Variants in GRM5 observed in about 807,000 individuals in gnomAD.
The protein encoded by GRM5 is metabotropic glutamate receptor 5.
In GRM5, 19 loss-of-function variants were observed where a neutral mutation model predicts 83.1. The observed-to-expected ratio is 0.23, with a 90% CI of 0.16 to 0.34. GRM5 has a LOEUF of 0.34. GRM5 is among the 10% of genes least tolerant of loss of function. GRM5 has a pLI of 1.00. For missense variants in GRM5, 1,160 were observed against 1,588.3 expected, an observed-to-expected ratio of 0.73 and a Z score of 4.58; for synonymous variants, 675 against 633.6, an observed-to-expected ratio of 1.07 and a Z score of -0.98.
At chr11:88,795,224 A>G (rs1003568472) in intron 3 of GRM5, among the ~76,000 whole-genome samples, 1 of 152,226 alleles carries the variant, frequency 6.6e-6, no homozygotes, top group East Asian at 1.9e-4. Context: ...GCGAGAAAGC[A>G]GTATCCCAGA....
intron 3 of GRM5, among the ~76,000 whole-genome samples, chr11:88,820,392 A>AAAAAAG (rs1170201961): frequency 4.0e-5 from 6 of 149,250 alleles, no homozygotes; most frequent in African/African-American, 1.5e-4. Context: ...AAAAAAAAAA[A>AAAAAAG]AGCCAATATA....
chr11:88,701,246 C>T (rs1941027886), intron 3 of GRM5, among the ~76,000 whole-genome samples: 1 of 152,246 alleles, frequency 6.6e-6, no homozygotes, highest in Non-Finnish European at 1.5e-5. Flanking sequence ...TTTACCATGA[C>T]AGGGAAGAGT....
At chr11:88,716,110 G>A (rs1941394556) in intron 3 of GRM5, among the ~76,000 whole-genome samples, 1 of 151,972 alleles carries the variant, frequency 6.6e-6, no homozygotes, top group East Asian at 1.9e-4. Flanking sequence ...AAAAAAGGAT[G>A]AGAGTTTGTA....
chr11:88,749,255 T>C (rs752738690), intron 3 of GRM5, among the ~76,000 whole-genome samples: 1 of 152,090 alleles, frequency 6.6e-6, no homozygotes, highest in African/African-American at 2.4e-5. Context: ...ACATAACTGA[T>C]GTAATGGAGA....
At chr11:88,727,103 TAA>T (rs1219615691) in intron 3 of GRM5, among the ~76,000 whole-genome samples, 7 of 152,258 alleles carry the variant, frequency 4.6e-5, no homozygotes, top group Non-Finnish European at 1.0e-4. Flanking sequence ...GCAAATTGGA[TAA>T]AGAGTCAAGA....
In GRM5 at chr11:88,505,456, C is replaced by G. The variant is rs1941160292; in HGVS notation, c.*3136G>C. 1 of 152,240 alleles carries G rather than the reference C, an allele frequency of 6.6e-6. No individual in the cohort carries two copies. The highest frequency in any genetic ancestry group is 2.4e-5 in the African/African-American group (1 of 41,468). The allele number at this position is 152,240 out of a possible 1,614,324, so 9.4% of individuals were successfully genotyped here. On this transcript the variant is annotated 3_prime_UTR_variant, in exon 10 of 10. Coordinates refer to ENST00000305447, the MANE Select transcript of GRM5 (RefSeq NM_001143831.3). ...AGTCTTCCTGATCACTTGCTGGTAA[C>G]AGCAGTAGTTTGGGAAAGATAGTTA...
At chr11:88,882,787 C>A (rs1944982059) in intron 2 of GRM5, among the ~76,000 whole-genome samples, 1 of 152,082 alleles carries the variant, frequency 6.6e-6, no homozygotes, top group Non-Finnish European at 1.5e-5. Flanking sequence ...TGTGTTCCCA[C>A]CCAAATCTCA....
intron 8 of GRM5, among the ~76,000 whole-genome samples, chr11:88,559,429 CTACT>C (rs1009403138): frequency 1.3e-5 from 2 of 152,186 alleles, no homozygotes; most frequent in African/African-American, 2.4e-5. Flanking sequence ...CCTTCCTCTT[CTACT>C]TACTATCTGA....
In GRM5 at chr11:88,712,042, T is replaced by C. The variant is rs1941293440; in HGVS notation, c.912-58639A>G. ...TCTCAGACAGTGTTTGATGAATGAG[T>C]ATATAAAGCACAGTGACAGAAGGTA... On this transcript the variant is annotated intron_variant, in intron 3 of 9. Coordinates refer to ENST00000305447, the MANE Select transcript of GRM5 (RefSeq NM_001143831.3). 3.3e-5 allele frequency among the ~76,000 whole-genome samples: 5 copies of C among 152,114 alleles called. 1 individual carries two copies. In the South Asian group the frequency reaches 1.0e-3, roughly 32 times the overall value.
chr11:88,595,425 G>GTA (rs1364139692), intron 6 of GRM5, among the ~76,000 whole-genome samples: 1 of 151,758 alleles, frequency 6.6e-6, no homozygotes, highest in Non-Finnish European at 1.5e-5. Flanking sequence ...CTACCCTCTA[G>GTA]TATGCTCTGT....
At chr11:88,824,946 A>C (rs529725705) in intron 3 of GRM5, among the ~76,000 whole-genome samples, 44 of 152,370 alleles carry the variant, frequency 2.9e-4, no homozygotes, top group African/African-American at 9.4e-4. Flanking sequence ...CATATACTAC[A>C]TGCATAGTCA....
intron 2 of GRM5, among the ~76,000 whole-genome samples, chr11:89,006,890 C>G (rs1163888845): frequency 6.6e-6 from 1 of 152,172 alleles, no homozygotes; most frequent in Admixed American, 6.5e-5. Flanking sequence ...CTCCGCCTCC[C>G]GGGTTCACGC....
At chr11:88,808,743 T>TA (rs1191474102) in intron 3 of GRM5, among the ~76,000 whole-genome samples, 2 of 152,006 alleles carry the variant, frequency 1.3e-5, no homozygotes, top group Non-Finnish European at 2.9e-5. Flanking sequence ...TTCAATCTCT[T>TA]AGTCTTCCTA....
chr11:88,583,295 C>A (rs773144271), intron 7 of GRM5, among the ~76,000 whole-genome samples: 1 of 152,142 alleles, frequency 6.6e-6, no homozygotes, highest in Non-Finnish European at 1.5e-5. Context: ...TTTAACTCTG[C>A]GGCTTTTTTC....
chr11:89,065,242 A>G (rs1270691731), intron 1 of GRM5, among the ~76,000 whole-genome samples: 1 of 150,928 alleles, frequency 6.6e-6, no homozygotes, highest in East Asian at 2.0e-4. Context: ...AGAGGAGCCC[A>G]TCTCTCTTCC....
intron 9 of GRM5, among the ~76,000 whole-genome samples, chr11:88,522,049 C>T (rs116236108): frequency 0.016 from 2,423 of 152,238 alleles, 72 homozygotes; most frequent in African/African-American, 0.055. Context: ...GTGACACTCT[C>T]GGTTTTCTGT....
chr11:89,009,917 A>AAAAAAAC (rs1565333863), intron 2 of GRM5, among the ~76,000 whole-genome samples: 2 of 144,124 alleles, frequency 1.4e-5, no homozygotes, highest in African/African-American at 5.1e-5. Context: ...AAAAAAAAAA[A>AAAAAAAC]AAAAAAAAAA....
At chr11:88,969,192 A>G (rs1269814256) in intron 2 of GRM5, among the ~76,000 whole-genome samples, 1 of 152,030 alleles carries the variant, frequency 6.6e-6, no homozygotes, top group East Asian at 1.9e-4. Context: ...CTAAGAGATG[A>G]CCTAAAACAC....
chr11:88,568,576 A>G (rs923899433), intron 7 of GRM5, among the ~76,000 whole-genome samples: 6 of 152,158 alleles, frequency 3.9e-5, no homozygotes, highest in Non-Finnish European at 7.4e-5. Context: ...AAGTTATTCT[A>G]AGGATCTTTG....
Sources: allele counts gnomAD v4.1 joint callset (sites outside exome capture counted in the v4.1 genomes callset), GRCh38; gene constraint gnomAD v4.1.1; transcripts MANE v1.5; gene names NCBI Gene and HGNC (gene_info 2026-07-23, HGNC 2026-07-21).